TSEN15: variants seen among roughly 807,000 people sequenced by gnomAD.
TSEN15 encodes the protein tRNA splicing endonuclease subunit 15, also known as tRNA-splicing endonuclease subunit Sen15.
Under a neutral mutation model 20.5 loss-of-function variants are expected in TSEN15, and 10 were observed. That is an observed-to-expected ratio of 0.49 (90% CI 0.30 to 0.83). The LOEUF (loss-of-function observed/expected upper bound fraction) is 0.83. Ranked by LOEUF, TSEN15 falls within the 40% of genes least tolerant of loss-of-function variation. The pLI, the probability that TSEN15 is intolerant of heterozygous loss-of-function variation, is 0.06. For missense variants in TSEN15, 180 were observed against 218.6 expected (o/e 0.82, Z 1.11); for synonymous variants, 72 against 80.1 (o/e 0.90, Z 0.54).
intron 1 of TSEN15, among the ~76,000 whole-genome samples, chr1:184,052,660 T>A: frequency 6.6e-6 from 1 of 152,162 alleles, no homozygotes; most frequent in Non-Finnish European, 1.5e-5. Context: ...AGAAAAAATT[T>A]GAAGGTATAA....
At chr1:184,095,818 G>A (rs1320143945) in exon 4 of TSEN15, 15 of 398,346 alleles carry the variant, frequency 3.8e-5, no homozygotes, top group Non-Finnish European at 4.9e-5. Flanking sequence ...CCAGAACTGT[G>A]AGAAAATAAA....
intron 3 of TSEN15, chr1:184,094,824 C>T (rs1651420635): frequency 1.0e-5 from 4 of 388,586 alleles, no homozygotes; most frequent in Middle Eastern, 6.4e-4. Flanking sequence ...AATGTCTGGA[C>T]AGTAGGGTAG....
chr1:184,062,641 A>G (rs558039509), intron 3 of TSEN15, among the ~76,000 whole-genome samples: 2 of 152,234 alleles, frequency 1.3e-5, no homozygotes, highest in Non-Finnish European at 2.9e-5. Flanking sequence ...TAGTAGTACT[A>G]CAGGTAGTTG....
At chr1:184,055,069 T>TA (rs11359086) in intron 3 of TSEN15, 199 of 401,122 alleles carry the variant, frequency 5.0e-4, no homozygotes, top group Middle Eastern at 1.4e-3. Context: ...AGTAATTTCT[T>TA]AAAAAAAAAA....
intron 3 of TSEN15, among the ~76,000 whole-genome samples, chr1:184,057,121 T>C (rs971235190): frequency 6.6e-6 from 1 of 152,166 alleles, no homozygotes; most frequent in Non-Finnish European, 1.5e-5. Context: ...GCTTCTATCT[T>C]GGGCACTCTC....
rs11549003 is a variant in TSEN15 at position 184,072,924 on chromosome 1, T to C, written c.*77T>C. ...CCATCAGACTGCTTCATCTTTTATC[T>C]CAGAAATAGGGTTGACGTACATAGT... is the stretch of plus-strand genomic sequence containing the variant. On this transcript the variant is annotated 3_prime_UTR_variant, in exon 5 of 5. Transcript: ENST00000645668. 76,302 of 1,426,026 alleles carry C rather than the reference T, an allele frequency of 0.054. 2,432 individuals carry two copies. The highest frequency in any genetic ancestry group is 0.077 in the Middle Eastern group (428 of 5,550). The allele number at this position is 1,426,026 out of a possible 1,614,324, so 88.3% of individuals were successfully genotyped here.
chr1:184,066,383 TACA>T (rs1477840227), intron 3 of TSEN15, among the ~76,000 whole-genome samples: 2 of 152,036 alleles, frequency 1.3e-5, no homozygotes, highest in Non-Finnish European at 2.9e-5. Context: ...ACTATAGCTT[TACA>T]ATAGGTCTTT....
intron 3 of TSEN15, among the ~76,000 whole-genome samples, chr1:184,066,828 A>G (rs927931345): frequency 2.0e-5 from 3 of 152,152 alleles, no homozygotes; most frequent in African/African-American, 7.2e-5. Context: ...AATATCTACA[A>G]AACAACGTGC....
At chr1:184,054,483 T>C in intron 2 of TSEN15, 48 bp downstream of exon 2, 3 of 1,434,486 alleles carry the variant, frequency 2.1e-6, no homozygotes, top group Non-Finnish European at 2.9e-6. Context: ...GTGGTAGAGA[T>C]TTGGGGGGTT....
chr1:184,053,490 A>G (rs562261655), intron 1 of TSEN15, among the ~76,000 whole-genome samples: 1 of 152,216 alleles, frequency 6.6e-6, no homozygotes, highest in African/African-American at 2.4e-5. Context: ...TGAAGTCGAC[A>G]ACTAATTAAC....
In TSEN15 at chr1:184,073,330, T is replaced by G. The variant is rs1650962865; in HGVS notation, c.*483T>G. 6.5e-6 allele frequency: 1 copy of G among 152,960 alleles called. No individual in the cohort carries two copies. Among genetic ancestry groups the G allele is most frequent in the Admixed American group, 6.5e-5 (1 of 15,282 alleles). 9.5% of individuals were successfully genotyped at this position (152,960 alleles called of 1,614,324 possible). A position where few individuals can be genotyped will look rare whatever the true frequency, so the allele number is the denominator to read the frequency against. ...TTACTTTTTCCTCTCCAGTAAAAAG[T>G]AAAAGATTTCTTTCAATTGGTCTTC... On this transcript the variant is annotated 3_prime_UTR_variant, in exon 5 of 5. Coordinates refer to ENST00000645668, the MANE Select transcript of TSEN15 (RefSeq NM_052965.4).
exon 4 of TSEN15, chr1:184,096,406 G>C (rs1447827365): frequency 6.6e-6 from 1 of 152,402 alleles, no homozygotes; most frequent in East Asian, 1.9e-4. Flanking sequence ...AGCAGGCCAG[G>C]TGGTTGGTTT....
chr1:184,093,915 G>A (rs1286476676), intron 3 of TSEN15: 1 of 152,038 alleles, frequency 6.6e-6, no homozygotes, highest in Non-Finnish European at 1.5e-5. Flanking sequence ...TTCTATTTTG[G>A]GTGCAGAAAT....
chr1:184,082,274 A>C (rs920894552), intron 3 of TSEN15, among the ~76,000 whole-genome samples: 3 of 152,168 alleles, frequency 2.0e-5, no homozygotes, highest in African/African-American at 7.2e-5. Flanking sequence ...CCTGAGGTCC[A>C]TCTGGGTCTC....
intron 3 of TSEN15, among the ~76,000 whole-genome samples, chr1:184,058,959 C>T (rs1228220848): frequency 6.6e-6 from 1 of 151,254 alleles, no homozygotes; most frequent in African/African-American, 2.4e-5. Flanking sequence ...GCTGGGGATA[C>T]CATGATAACA....
rs190588086 is a variant in TSEN15 at position 184,072,589 on chromosome 1, G to A, written c.496-238G>A. 1.9e-3 allele frequency: 1,114 copies of A among 571,330 alleles called. 7 individuals carry two copies. The highest frequency in any genetic ancestry group is 7.2e-3 in the African/African-American group (372 of 51,458). 35.4% of individuals were successfully genotyped at this position (571,330 alleles called of 1,614,324 possible). On this transcript the variant is annotated intron_variant, in intron 4 of 4. Coordinates refer to ENST00000645668, the MANE Select transcript of TSEN15 (RefSeq NM_052965.4). ...CATGCATTTAATTATTTAGTGAGTA[G>A]CTGAGGTGGAATGTAAAGGCTAATA...
intron 3 of TSEN15, among the ~76,000 whole-genome samples, chr1:184,084,020 C>T (rs1447753799): frequency 1.3e-5 from 2 of 152,150 alleles, no homozygotes; most frequent in Non-Finnish European, 2.9e-5. Flanking sequence ...GCCCAAGAGA[C>T]TTGCAAGGCA....
chr1:184,068,543 G>T (rs1650773891), intron 3 of TSEN15, among the ~76,000 whole-genome samples: 1 of 152,052 alleles, frequency 6.6e-6, no homozygotes, highest in Non-Finnish European at 1.5e-5. Flanking sequence ...AAAGCTTGCA[G>T]TTCATTACAG....
intron 3 of TSEN15, among the ~76,000 whole-genome samples, chr1:184,067,360 T>A (rs1419182375): frequency 2.0e-5 from 3 of 152,166 alleles, no homozygotes; most frequent in Non-Finnish European, 4.4e-5. Flanking sequence ...TATTTCATAT[T>A]TGGTTTTCTT....
Sources: gnomAD v4.1 joint callset for allele counts (sites outside exome capture counted in the v4.1 genomes callset) on GRCh38, gnomAD v4.1.1 for gene constraint, MANE v1.5 for transcripts, NCBI Gene and HGNC (gene_info 2026-07-23, HGNC 2026-07-21) for gene names.